Variants in ULK4 observed in about 807,000 individuals in gnomAD.
The protein encoded by ULK4 is unc-51 like kinase 4.
A neutral mutation model predicts 160.6 loss-of-function variants in ULK4; 133 were observed. That is an observed-to-expected ratio of 0.83 (90% CI 0.72 to 0.96). The LOEUF is 0.96. ULK4 is among the 40% of genes least tolerant of loss of function. The pLI is 0.00. For missense variants in ULK4, 1,580 were observed against 1,499.5 expected (o/e 1.05, Z -0.89); for synonymous variants, 534 against 539.8 (o/e 0.99, Z 0.15).
At chr3:41,616,371 C>T (rs987578691) in intron 30 of ULK4, among the ~76,000 whole-genome samples, 2 of 152,268 alleles carry the variant, frequency 1.3e-5, no homozygotes, top group South Asian at 4.1e-4. Flanking sequence ...CGAATAGAAA[C>T]AGCTCTGGTC....
chr3:41,698,452 C>T (rs371067905), intron 27 of ULK4, among the ~76,000 whole-genome samples: 164 of 152,212 alleles, frequency 1.1e-3, no homozygotes, highest in African/African-American at 3.8e-3. Flanking sequence ...ACCAACATGA[C>T]GCTCAGAGGC....
chr3:41,706,321 G>A (rs1002911668), intron 25 of ULK4, among the ~76,000 whole-genome samples: 4 of 146,948 alleles, frequency 2.7e-5, no homozygotes, highest in Non-Finnish European at 4.5e-5. Context: ...ACGCTGCAAC[G>A]GAGTTCTTGC....
intron 32 of ULK4, among the ~76,000 whole-genome samples, chr3:41,469,881 C>A (rs1362175889): frequency 6.6e-6 from 1 of 150,508 alleles, no homozygotes; most frequent in Admixed American, 6.6e-5. Context: ...GAAGATAGAA[C>A]ATCTGAAATT....
chr3:41,571,453 CT>C (rs1483246665), intron 31 of ULK4, among the ~76,000 whole-genome samples: 1 of 152,120 alleles, frequency 6.6e-6, no homozygotes, highest in Non-Finnish European at 1.5e-5. Flanking sequence ...AGGTTTTTTT[CT>C]GGTTCACAAT....
At chr3:41,696,004 C>T (rs1028891551) in intron 27 of ULK4, among the ~76,000 whole-genome samples, 5 of 152,186 alleles carry the variant, frequency 3.3e-5, no homozygotes, top group Admixed American at 6.5e-5. Context: ...CTAGCGGTAA[C>T]GCCAGTGTCT....
rs28896298 is a variant in ULK4, at chr3:41,400,560, T to C, written c.3493-2296A>G. Reference sequence around the variant, plus strand: ...ACTATTCCATGACATAGATGTACCATAGTTTAACTCATCCATAAAGAAAAT... The same window carrying C: ...ACTATTCCATGACATAGATGTACCACAGTTTAACTCATCCATAAAGAAAAT... On this transcript the variant is annotated intron_variant, in intron 34 of 36. Coordinates refer to ENST00000301831, the MANE Select transcript of ULK4 (RefSeq NM_017886.4). Among the ~76,000 whole-genome samples the C allele has an allele frequency of 4.9e-3, 749 of 152,328 alleles. 2 individuals carry two copies. The highest frequency in any genetic ancestry group is 0.015 in the East Asian group (77 of 5,178).
chr3:41,405,528 TTTAAG>T (rs1261457398), intron 34 of ULK4, among the ~76,000 whole-genome samples: 1 of 152,136 alleles, frequency 6.6e-6, no homozygotes, highest in African/African-American at 2.4e-5. Flanking sequence ...GTAATTCTGC[TTTAAG>T]TTGAGAATTC....
intron 32 of ULK4, among the ~76,000 whole-genome samples, chr3:41,531,937 C>A (rs1042439506): frequency 6.6e-6 from 1 of 152,188 alleles, no homozygotes; most frequent in African/African-American, 2.4e-5. Flanking sequence ...GAGTCTAGTA[C>A]AATGGTTTTC....
chr3:41,256,769 G>A (rs1425375970), intron 35 of ULK4, among the ~76,000 whole-genome samples: 1 of 152,114 alleles, frequency 6.6e-6, no homozygotes, highest in Non-Finnish European at 1.5e-5. Context: ...AAACATAAGA[G>A]AATGAAAAGA....
intron 35 of ULK4, among the ~76,000 whole-genome samples, chr3:41,385,292 A>C (rs1043132917): frequency 6.6e-6 from 1 of 152,166 alleles, no homozygotes; most frequent in Non-Finnish European, 1.5e-5. Context: ...AATAAAAAGA[A>C]GAGTAAAACT....
intron 32 of ULK4, among the ~76,000 whole-genome samples, chr3:41,557,643 G>A (rs898866899): frequency 1.3e-5 from 2 of 151,478 alleles, no homozygotes. Flanking sequence ...GCACGCGCCT[G>A]TTGTCCTAGT....
intron 17 of ULK4, among the ~76,000 whole-genome samples, chr3:41,862,557 G>A (rs2042524247): frequency 6.6e-6 from 1 of 152,162 alleles, no homozygotes; most frequent in African/African-American, 2.4e-5. Flanking sequence ...AGGCTTTTCG[G>A]ATATTTGAAA....
At chr3:41,495,880 T>A (rs980775321) in intron 32 of ULK4, among the ~76,000 whole-genome samples, 1 of 151,990 alleles carries the variant, frequency 6.6e-6, no homozygotes, top group Non-Finnish European at 1.5e-5. Context: ...CACAATGAGA[T>A]ACCATCTCAC....
chr3:41,862,564 G>C (rs1186385422), intron 17 of ULK4, among the ~76,000 whole-genome samples: 4 of 152,174 alleles, frequency 2.6e-5, no homozygotes, highest in African/African-American at 9.6e-5. Flanking sequence ...TCGGATATTT[G>C]AAAGGACTTG....
At chr3:41,791,533 T>G (rs1374276875) in intron 20 of ULK4, among the ~76,000 whole-genome samples, 1 of 152,154 alleles carries the variant, frequency 6.6e-6, no homozygotes, top group East Asian at 1.9e-4. Context: ...AGATGCTTCC[T>G]CTTGAGGGCA....
chr3:41,312,671 AC>A (rs2080074188), intron 35 of ULK4, among the ~76,000 whole-genome samples: 1 of 151,806 alleles, frequency 6.6e-6, no homozygotes, highest in African/African-American at 2.4e-5. Flanking sequence ...AAACAAAAAA[AC>A]ATTAGCACAC....
In ULK4 at chr3:41,663,192, G is replaced by A. The variant is rs889578384; in HGVS notation, c.3071+415C>T. On this transcript the variant is annotated intron_variant, in intron 30 of 36. Coordinates refer to ENST00000301831, the MANE Select transcript of ULK4 (RefSeq NM_017886.4). ...GCCAAGATCACACCATTGCACTACA[G>A]CCTGGGTGACAGAGTAAGACTCCAT... 2.6e-5 allele frequency among the ~76,000 whole-genome samples: 4 copies of A among 151,704 alleles called. No individual in the cohort carries two copies. The South Asian group carries it at 8.3e-4, about 32-fold the overall frequency.
chr3:41,681,806 T>G lies in ULK4; in HGVS notation c.2782-2A>C. 1 of 1,613,836 alleles carries G rather than the reference T, an allele frequency of 6.2e-7. No homozygotes were observed. Among genetic ancestry groups the G allele is most frequent in the Non-Finnish European group, 8.5e-7 (1 of 1,179,858 alleles). ...GGGTGGCAGTATATAGTCAACAACCTAAAAGAAAGCATGTAAAAGACTCAG... is the reference window on the plus strand; with the variant it reads ...GGGTGGCAGTATATAGTCAACAACCGAAAAGAAAGCATGTAAAAGACTCAG... On this transcript the variant is annotated splice_acceptor_variant, in intron 27 of 36. Transcript: ENST00000301831. LOFTEE classifies it high-confidence loss of function.
At chr3:41,902,113 A>G (rs1169564901) in intron 12 of ULK4, among the ~76,000 whole-genome samples, 1 of 152,226 alleles carries the variant, frequency 6.6e-6, no homozygotes, top group African/African-American at 2.4e-5. Context: ...TAAAAGAAAC[A>G]ACGGCTAGCA....
Sources: gnomAD v4.1 joint callset for allele counts (sites outside exome capture counted in the v4.1 genomes callset) on GRCh38, gnomAD v4.1.1 for gene constraint, MANE v1.5 for transcripts, NCBI Gene and HGNC (gene_info 2026-07-23, HGNC 2026-07-21) for gene names.